Variants in MIA2 observed in about 807,000 individuals in gnomAD.
The protein encoded by MIA2 is melanoma inhibitory activity protein 2.
A neutral mutation model predicts 167.8 loss-of-function variants in MIA2; 127 were observed. The observed-to-expected ratio is 0.76, with a 90% CI of 0.66 to 0.88. The LOEUF (loss-of-function observed/expected upper bound fraction) is 0.88, where lower values mean the gene tolerates loss of function less well. Ranked by LOEUF, MIA2 falls within the 40% of genes least tolerant of loss-of-function variation. The pLI, the probability that MIA2 is intolerant of heterozygous loss-of-function variation, is 0.00. For missense variants in MIA2, 1,690 were observed against 1,624.7 expected (o/e 1.04, Z -0.69); for synonymous variants, 552 against 541.9 (o/e 1.02, Z -0.26).
At chr14:39,358,281 T>G (rs534693982) in intron 23 of MIA2, among the ~76,000 whole-genome samples, 1 of 152,334 alleles carries the variant, frequency 6.6e-6, no homozygotes, top group Non-Finnish European at 1.5e-5. Flanking sequence ...TAAACTTTTC[T>G]TCTCGCTTCA....
chr14:39,314,109 G>A (rs1279645960), intron 19 of MIA2, among the ~76,000 whole-genome samples: 11 of 152,144 alleles, frequency 7.2e-5, no homozygotes, highest in Admixed American at 7.2e-4. Flanking sequence ...CATCTGGCCG[G>A]GCATGGTGGC....
At chr14:39,243,430 C>G (rs1026038357) in intron 3 of MIA2, among the ~76,000 whole-genome samples, 2 of 152,220 alleles carry the variant, frequency 1.3e-5, no homozygotes, top group African/African-American at 4.8e-5. Context: ...AAAATAGGTA[C>G]TGTCAGTTTC....
intron 25 of MIA2, among the ~76,000 whole-genome samples, chr14:39,335,566 CAT>C (rs1304322797): frequency 1.3e-5 from 2 of 152,214 alleles, no homozygotes; most frequent in Admixed American, 6.5e-5. Flanking sequence ...TCTCTTTTCT[CAT>C]ATGCCCTATT....
rs1364813147 is a variant in MIA2, at chr14:39,256,580, C to CT, written c.1887+3414dup. 4.4e-4 allele frequency among the ~76,000 whole-genome samples: 66 copies of CT among 151,450 alleles called. 1 individual carries two copies. The highest frequency in any genetic ancestry group is 1.5e-3 in the African/African-American group (63 of 41,312). On this transcript the variant is annotated intron_variant, in intron 6 of 28. Transcript: ENST00000640607. ...AGCAATGGAAAATTAAAGGAGGCAGCTTTTTAAAAAAAAATAACAAAGAAA... is the reference window on the plus strand; with the variant it reads ...AGCAATGGAAAATTAAAGGAGGCAGCTTTTTTAAAAAAAAATAACAAAGAAA...
Position 39,302,263 on chromosome 14 carries a change from A to G in MIA2, c.2740+14A>G. Reference sequence around the variant, plus strand: ...GTGCTTACTTAGGTATTAAGTCATGACTCATCTCCTTTTGCTAAAATGGTG... The same window carrying G: ...GTGCTTACTTAGGTATTAAGTCATGGCTCATCTCCTTTTGCTAAAATGGTG... On this transcript the variant is annotated intron_variant, in intron 15 of 28. Transcript: ENST00000640607. 2.5e-6 allele frequency: 4 copies of G among 1,611,284 alleles called. No homozygotes were observed. The highest frequency in any genetic ancestry group is 3.4e-6 in the Non-Finnish European group (4 of 1,178,470).
At chr14:39,345,856 T>C (rs754870749) in intron 25 of MIA2, 48 bp from the exon 26 acceptor site, 3 of 1,525,036 alleles carry the variant, frequency 2.0e-6, no homozygotes, top group African/African-American at 2.8e-5. Flanking sequence ...TAAGTAAACT[T>C]GATTTATATT....
intron 6 of MIA2, among the ~76,000 whole-genome samples, chr14:39,263,042 C>T (rs970091991): frequency 1.3e-5 from 2 of 152,188 alleles, no homozygotes; most frequent in South Asian, 2.1e-4. Flanking sequence ...GCCAGAACTT[C>T]GAACACTGTG....
intron 26 of MIA2, among the ~76,000 whole-genome samples, chr14:39,346,237 G>A (rs539673350): frequency 6.6e-6 from 1 of 152,240 alleles, no homozygotes; most frequent in Admixed American, 6.5e-5. Flanking sequence ...TGAGCACCAT[G>A]GAAATAGGTT....
intron 6 of MIA2, among the ~76,000 whole-genome samples, chr14:39,258,053 T>C (rs529408177): frequency 6.6e-6 from 1 of 152,318 alleles, no homozygotes; most frequent in East Asian, 1.9e-4. Flanking sequence ...AATCTAATGA[T>C]TATGTGTCTT....
At chr14:39,234,301 C>T (rs1404752162) in intron 1 of MIA2, 72 bp downstream of exon 1, 1 of 920,314 alleles carries the variant, frequency 1.1e-6, no homozygotes, top group African/African-American at 1.7e-5. Context: ...TTATTGTGGT[C>T]ACGCATGATA....
At chr14:39,311,648 A>AT (rs1359710780) in intron 18 of MIA2, among the ~76,000 whole-genome samples, 2 of 130,220 alleles carry the variant, frequency 1.5e-5, no homozygotes, top group Admixed American at 7.8e-5. Context: ...TGGCTTATTT[A>AT]TTTATTTTTT....
intron 6 of MIA2, among the ~76,000 whole-genome samples, chr14:39,271,945 T>C (rs960794143): frequency 6.6e-6 from 1 of 152,194 alleles, no homozygotes; most frequent in Non-Finnish European, 1.5e-5. Context: ...CCTGTGTGGC[T>C]GGGTCTGCGG....
chr14:39,278,710 T>A (rs545228424), intron 7 of MIA2, among the ~76,000 whole-genome samples: 1 of 152,246 alleles, frequency 6.6e-6, no homozygotes, highest in Admixed American at 6.5e-5. Flanking sequence ...TCAAGGGATA[T>A]GATAATAGGG....
chr14:39,309,959 T>C (rs961040841), intron 18 of MIA2, among the ~76,000 whole-genome samples: 4 of 145,924 alleles, frequency 2.7e-5, no homozygotes, highest in Non-Finnish European at 4.5e-5. Context: ...TTTTTTTTTT[T>C]ATCATAAAGG....
chr14:39,280,198 TTTTGTTGGGCTTTTTG>T (rs1196919818), intron 9 of MIA2, among the ~76,000 whole-genome samples: 1 of 152,192 alleles, frequency 6.6e-6, no homozygotes, highest in Admixed American at 6.5e-5. Context: ...AAATCTTCTA[TTTTGTTGGGCTTTTTG>T]TTTGTTTTTT....
Position 39,236,996 on chromosome 14 carries a change from G to T in MIA2, c.190G>T (p.Glu64Ter). ...DCRYLNFTKGEEISVYVKLAG... is the reference protein window; with the variant it reads ...DCRYLNFTKG ...CCGATACCTGAACTTCACTAAGGGAGAAGAGATATCTGTTTATGTTAAACT... is the reference window on the plus strand; with the variant it reads ...CCGATACCTGAACTTCACTAAGGGATAAGAGATATCTGTTTATGTTAAACT... Residue 64 changes from glutamate to a stop codon, truncating the protein, a stop_gained, in exon 2 of 29, where the codon GAA becomes TAA. Transcript: ENST00000640607. LOFTEE classifies it high-confidence loss of function. 1.2e-6 allele frequency: 2 copies of T among 1,614,148 alleles called. No homozygotes were observed. The highest frequency in any genetic ancestry group is 1.7e-6 in the Non-Finnish European group (2 of 1,179,982).
chr14:39,243,516 T>C (rs2152619306), intron 3 of MIA2, among the ~76,000 whole-genome samples: 1 of 152,324 alleles, frequency 6.6e-6, no homozygotes, highest in South Asian at 2.1e-4. Context: ...GATTAATAAG[T>C]GAAAAGGCAT....
Position 39,264,615 on chromosome 14 carries a change from T to A in MIA2, c.1887+11444T>A, listed in dbSNP as rs77233182. ...GAATATACAATGGAAATTATCCAGC[T>A]ATTGTTCAACAGGTAGTTCCTGATT... On this transcript the variant is annotated intron_variant, in intron 6 of 28. Transcript: ENST00000640607. Among the ~76,000 whole-genome samples the A allele has an allele frequency of 9.8e-3, 1,492 of 152,342 alleles. 24 individuals are homozygous for A. The highest frequency in any genetic ancestry group is 0.034 in the African/African-American group (1,411 of 41,572).
chr14:39,276,469 T>G (rs968563757), intron 6 of MIA2: 1 of 155,010 alleles, frequency 6.5e-6, no homozygotes, highest in Non-Finnish European at 1.4e-5. Context: ...CAAAACTTGT[T>G]TTTATTTTTT....
Sources: gnomAD v4.1 joint callset for allele counts (sites outside exome capture counted in the v4.1 genomes callset) on GRCh38, gnomAD v4.1.1 for gene constraint, MANE v1.5 for transcripts, NCBI Gene and HGNC (gene_info 2026-07-23, HGNC 2026-07-21) for gene names.